GABRA1: variants seen among roughly 807,000 people sequenced by gnomAD.
GABRA1 encodes the protein gamma-aminobutyric acid type A receptor subunit alpha1, also known as gamma-aminobutyric acid receptor subunit alpha-1.
GABRA1 carries 9 observed loss-of-function variants against 48.9 expected under a neutral mutation model. The ratio of observed to expected loss-of-function variants is 0.18; its 90% CI spans 0.11 to 0.32. GABRA1 has a LOEUF of 0.32. Ranked by LOEUF, GABRA1 falls within the 10% of genes least tolerant of loss-of-function variation. The pLI, the probability that GABRA1 is intolerant of heterozygous loss-of-function variation, is 1.00. For synonymous variants in GABRA1, 210 were observed against 198.7 expected, an observed-to-expected ratio of 1.06 and a Z score of -0.48; for missense variants, 285 against 553.8, an observed-to-expected ratio of 0.51 and a Z score of 4.87.
intron 2 of GABRA1, among the ~76,000 whole-genome samples, chr5:161,851,514 A>G (rs1239941329): frequency 2.6e-5 from 4 of 152,158 alleles, no homozygotes; most frequent in African/African-American, 9.6e-5. Flanking sequence ...TGATCCAATC[A>G]AGCATGTGAA....
At chr5:161,868,246 C>T (rs1435467683) in intron 4 of GABRA1, among the ~76,000 whole-genome samples, 16 of 152,072 alleles carry the variant, frequency 1.1e-4, no homozygotes, top group Admixed American at 1.1e-3. Context: ...GCACCAGAAT[C>T]AACCAGATTA....
At chr5:161,882,307 G>A (rs1754651457) in intron 6 of GABRA1, 1 of 528,982 alleles carries the variant, frequency 1.9e-6, no homozygotes, top group African/African-American at 1.9e-5. Context: ...ATTCACTACT[G>A]TATCCCCAGC....
At chr5:161,873,381 A>C (rs1754208510) in intron 5 of GABRA1, 44 bp downstream of exon 5, 3 of 1,458,038 alleles carry the variant, frequency 2.1e-6, no homozygotes, top group Non-Finnish European at 2.9e-6. Flanking sequence ...TCTGTACTTC[A>C]TTCCCTTCCA....
intron 2 of GABRA1, 99 bp downstream of exon 2, chr5:161,850,983 G>A: frequency 1.0e-6 from 1 of 995,842 alleles, no homozygotes; most frequent in Middle Eastern, 2.3e-4. Context: ...TTATGACTAA[G>A]GGAATTCAGA....
intron 8 of GABRA1, among the ~76,000 whole-genome samples, chr5:161,891,866 T>A (rs187545285): frequency 7.6e-4 from 116 of 152,322 alleles, no homozygotes; most frequent in Non-Finnish European, 1.0e-3. Flanking sequence ...AGCTTAAAAT[T>A]GAGTAATCAT....
At position 161,897,706 on chromosome 5, in the gene GABRA1, A is replaced by G; in HGVS notation, c.*284A>G. The stretch of plus-strand genomic sequence containing the variant: ...GAGGGGGAAGATGGTTCAAAGATAC[A>G]AGAAAAAGTAGAAAAAAAAATAACA... On this transcript the variant is annotated 3_prime_UTR_variant, in exon 10 of 10. Transcript: ENST00000393943. 2.8e-6 allele frequency: 1 copy of G among 351,474 alleles called. No individual in the cohort carries two copies. Among genetic ancestry groups the G allele is most frequent in the African/African-American group, 2.1e-5 (1 of 47,318 alleles). 21.8% of individuals were successfully genotyped at this position (351,474 alleles called of 1,614,324 possible).
At chr5:161,862,326 G>A (rs1757894954) in intron 3 of GABRA1, among the ~76,000 whole-genome samples, 1 of 151,778 alleles carries the variant, frequency 6.6e-6, no homozygotes, top group South Asian at 2.1e-4. Context: ...CAGATATACT[G>A]CACTTTCTGT....
chr5:161,864,823 A>C, intron 3 of GABRA1, among the ~76,000 whole-genome samples: 1 of 370 alleles, frequency 2.7e-3, no homozygotes, highest in Non-Finnish European at 6.3e-3. Flanking sequence ...AAAAGTAAAT[A>C]AAATAAAATA....
At chr5:161,857,253 T>C (rs1757685599) in intron 3 of GABRA1, among the ~76,000 whole-genome samples, 1 of 151,350 alleles carries the variant, frequency 6.6e-6, no homozygotes, top group South Asian at 2.1e-4. Context: ...AACAACATTA[T>C]GCAAAAAACG....
chr5:161,897,154 A>G lies in GABRA1; in HGVS notation c.1103A>G (p.Tyr368Cys). 6.2e-7 allele frequency: 1 copy of G among 1,614,122 alleles called. No individual in the cohort carries two copies. The highest frequency in any genetic ancestry group is 8.5e-7 in the Non-Finnish European group (1 of 1,179,994). ...KDPLIKKNNTYAPTATSYTPN... is the reference protein window; with the variant it reads ...KDPLIKKNNTCAPTATSYTPN... ...CCTCTTATTAAGAAAAACAACACTTACGCTCCAACAGCAACCAGCTACACC... is the reference window on the plus strand; with the variant it reads ...CCTCTTATTAAGAAAAACAACACTTGCGCTCCAACAGCAACCAGCTACACC... Residue 368 changes from tyrosine to cysteine, a missense_variant, in exon 10 of 10, where the codon TAC (tyrosine) becomes TGC (cysteine). Coordinates refer to ENST00000393943, the MANE Select transcript of GABRA1 (RefSeq NM_001127644.2).
Position 161,873,289 on chromosome 5 carries a change from A to G in GABRA1, c.428A>G (p.Asn143Ser). 1 of 1,613,856 alleles carries G rather than the reference A, an allele frequency of 6.2e-7. No individual in the cohort carries two copies. Among genetic ancestry groups the G allele is most frequent in the Non-Finnish European group, 8.5e-7 (1 of 1,179,830 alleles). ...GTGGCCCACAACATGACCATGCCCA[A>G]CAAACTCCTGCGGATCACAGAGGAT... ...KSVAHNMTMP[N>S]KLLRITEDGT... The change falls in exon 5 of 10, where the codon AAC (asparagine) becomes AGC (serine). Residue 143 changes from asparagine to serine, a missense_variant. Transcript: ENST00000393943.
At chr5:161,881,526 T>A (rs574242176) in intron 6 of GABRA1, among the ~76,000 whole-genome samples, 1 of 152,284 alleles carries the variant, frequency 6.6e-6, no homozygotes, top group African/African-American at 2.4e-5. Flanking sequence ...TAACTCATCA[T>A]CATGGAAAAT....
chr5:161,890,177 C>T (rs1002948544), intron 7 of GABRA1, among the ~76,000 whole-genome samples: 3 of 152,026 alleles, frequency 2.0e-5, no homozygotes, highest in Non-Finnish European at 4.4e-5. Flanking sequence ...GAGCACCTAA[C>T]TAGACCACTG....
Position 161,895,120 on chromosome 5 carries a change from G to A in GABRA1, c.857-546G>A, listed in dbSNP as rs542938850. 3.3e-5 allele frequency among the ~76,000 whole-genome samples: 5 copies of A among 152,116 alleles called. No homozygotes were observed. The South Asian group carries it at 1.0e-3, about 32-fold the overall frequency. ...CAGATTTAGGAATTTCTTTAAAAAT[G>A]TAGCTATTTTTGAATCAGGAAAGAT... On this transcript the variant is annotated intron_variant, in intron 8 of 9. Coordinates refer to ENST00000393943, the MANE Select transcript of GABRA1 (RefSeq NM_001127644.2).
At chr5:161,885,804 C>T (rs1023013144) in intron 7 of GABRA1, among the ~76,000 whole-genome samples, 21 of 152,060 alleles carry the variant, frequency 1.4e-4, no homozygotes, top group Non-Finnish European at 2.4e-4. Context: ...AATAGGCAAA[C>T]GGGAAAGATG....
At chr5:161,866,240 T>C (rs945769308) in intron 4 of GABRA1, among the ~76,000 whole-genome samples, 1 of 152,066 alleles carries the variant, frequency 6.6e-6, no homozygotes, top group East Asian at 1.9e-4. Context: ...TGGCCAGAAT[T>C]AGACAAAAAT....
intron 4 of GABRA1, among the ~76,000 whole-genome samples, chr5:161,868,065 T>C (rs1753949259): frequency 6.6e-6 from 1 of 152,090 alleles, no homozygotes; most frequent in African/African-American, 2.4e-5. Flanking sequence ...AAATGAGGTC[T>C]TGTGGGACCT....
At chr5:161,849,935 C>T (rs1561562444) in intron 1 of GABRA1, 1 of 152,214 alleles carries the variant, frequency 6.6e-6, no homozygotes, top group Non-Finnish European at 1.5e-5. Flanking sequence ...ATTGATTGCA[C>T]TTTACCTAAG....
At position 161,898,660 on chromosome 5, in the gene GABRA1, A is replaced by G. The variant is rs1279859211; in HGVS notation, c.*1238A>G. 1 of 152,526 alleles carries G rather than the reference A, an allele frequency of 6.6e-6. No individual in the cohort carries two copies. Among genetic ancestry groups the G allele is most frequent in the Non-Finnish European group, 1.5e-5 (1 of 67,998 alleles). The allele number at this position is 152,526 out of a possible 1,614,324, so 9.4% of individuals were successfully genotyped here. A position where few individuals can be genotyped will look rare whatever the true frequency, so the allele number is the denominator to read the frequency against. On this transcript the variant is annotated 3_prime_UTR_variant, in exon 10 of 10. Coordinates refer to ENST00000393943, the MANE Select transcript of GABRA1 (RefSeq NM_001127644.2). ...TAATTTCCAAACTGTTGTCTAGTAT[A>G]CAGTGATCAGTTGCTCTCTGTTCAA...
Sources: allele counts gnomAD v4.1 joint callset (sites outside exome capture counted in the v4.1 genomes callset), GRCh38; gene constraint gnomAD v4.1.1; transcripts MANE v1.5; gene names NCBI Gene and HGNC (gene_info 2026-07-23, HGNC 2026-07-21).